MGAT4A: variants seen among roughly 807,000 people sequenced by gnomAD.
The protein encoded by MGAT4A is alpha-1,3-mannosyl-glycoprotein 4-beta-N-acetylglucosaminyltransferase A, also known as N-acetylglucosaminyltransferase IVa.
Under a neutral mutation model 74.1 loss-of-function variants are expected in MGAT4A, and 33 were observed. The ratio of observed to expected loss-of-function variants is 0.45; its 90% confidence interval spans 0.34 to 0.60. The LOEUF (loss-of-function observed/expected upper bound fraction) is 0.60. MGAT4A is among the 20% of genes least tolerant of loss of function. The pLI is 0.02. For synonymous variants in MGAT4A, 198 were observed against 210.4 expected (o/e 0.94, Z 0.51); for missense variants, 479 against 628.3 (o/e 0.76, Z 2.54).
At chr2:98,655,249 T>C (rs7557647) in intron 8 of MGAT4A, among the ~76,000 whole-genome samples, 196 bp downstream of exon 8, 65,713 of 151,914 alleles carry the variant, frequency 0.43, 14,753 homozygotes, top group South Asian at 0.54. Context: ...AGTGGAGGGC[T>C]GGCTTCCCTA....
intron 2 of MGAT4A, among the ~76,000 whole-genome samples, chr2:98,723,170 T>C (rs1351436194): frequency 6.6e-6 from 1 of 152,198 alleles, no homozygotes; most frequent in Non-Finnish European, 1.5e-5. Context: ...AAGTGGTGAA[T>C]GAGGACTATG....
At chr2:98,634,157 T>C (rs542628577) in intron 14 of MGAT4A, among the ~76,000 whole-genome samples, 2 of 152,302 alleles carry the variant, frequency 1.3e-5, no homozygotes, top group African/African-American at 4.8e-5. Flanking sequence ...ACAGGCCCTG[T>C]GTTAACTACA....
chr2:98,633,705 T>C (rs970450214), intron 14 of MGAT4A, among the ~76,000 whole-genome samples: 4 of 152,238 alleles, frequency 2.6e-5, no homozygotes, highest in Admixed American at 2.6e-4. Context: ...GTTGATATTT[T>C]AGATGGTCAT....
intron 8 of MGAT4A, among the ~76,000 whole-genome samples, chr2:98,650,856 C>G (rs1255212060): frequency 6.6e-6 from 1 of 152,070 alleles, no homozygotes; most frequent in Admixed American, 6.5e-5. Flanking sequence ...GAAGCTGAGG[C>G]AGAATGGCGT....
intron 2 of MGAT4A, among the ~76,000 whole-genome samples, chr2:98,714,944 A>C (rs1273110359): frequency 6.6e-6 from 1 of 152,182 alleles, no homozygotes; most frequent in Non-Finnish European, 1.5e-5. Flanking sequence ...AAAATAAGTT[A>C]CTGTAATAAA....
intron 2 of MGAT4A, among the ~76,000 whole-genome samples, chr2:98,724,469 T>C (rs1246045978): frequency 6.6e-6 from 1 of 152,206 alleles, no homozygotes; most frequent in Admixed American, 6.5e-5. Flanking sequence ...TGTTGATACC[T>C]GGAAGAGTCT....
At chr2:98,730,486 G>A (rs1372559492) in intron 1 of MGAT4A, among the ~76,000 whole-genome samples, 1 of 152,194 alleles carries the variant, frequency 6.6e-6, no homozygotes, top group Non-Finnish European at 1.5e-5. Flanking sequence ...TGCGAAGGCT[G>A]CACGGCCGGT....
chr2:98,660,482 G>A (rs1019883078), intron 5 of MGAT4A, among the ~76,000 whole-genome samples: 5 of 146,598 alleles, frequency 3.4e-5, no homozygotes, highest in African/African-American at 1.3e-4. Context: ...GTAATCATGA[G>A]GAAAAACAAT....
At position 98,688,687 on chromosome 2, in the gene MGAT4A, G is replaced by A. The variant is rs560484236; in HGVS notation, c.95-10216C>T. On this transcript the variant is annotated intron_variant, in intron 2 of 15. Coordinates refer to ENST00000393487, the MANE Select transcript of MGAT4A (RefSeq NM_012214.3). ...CTACAGCCACAAGGAAATGACTTCCGCCAACAGTCTGGATAAGCTTGGGAG... is the reference window on the plus strand; with the variant it reads ...CTACAGCCACAAGGAAATGACTTCCACCAACAGTCTGGATAAGCTTGGGAG... 4.9e-4 allele frequency among the ~76,000 whole-genome samples: 74 copies of A among 152,226 alleles called. 2 individuals are homozygous for A. In the South Asian group the frequency reaches 0.014, roughly 29 times the overall value.
rs964035776 is a variant in MGAT4A at position 98,621,602 on chromosome 2, A to G, written c.*3964T>C. 1 of 1,520,394 alleles carries G rather than the reference A, an allele frequency of 6.6e-7. No homozygotes were observed. Among genetic ancestry groups the G allele is most frequent in the Non-Finnish European group, 8.8e-7 (1 of 1,130,572 alleles). The allele number at this position is 1,520,394 out of a possible 1,614,324, so 94.2% of individuals were successfully genotyped here. A position where few individuals can be genotyped will look rare whatever the true frequency, so the allele number is the denominator to read the frequency against. On this transcript the variant is annotated 3_prime_UTR_variant, in exon 16 of 16. Transcript: ENST00000393487. Reference sequence around the variant, plus strand: ...ATCATGGATCAAACAGGTTCCACCCATGCTCAAAGTGGGAGGATATTATAC... The same window carrying G: ...ATCATGGATCAAACAGGTTCCACCCGTGCTCAAAGTGGGAGGATATTATAC...
chr2:98,641,629 TCGCGCCACTG>T (rs1701411591), intron 10 of MGAT4A, among the ~76,000 whole-genome samples: 1 of 144,074 alleles, frequency 6.9e-6, no homozygotes, highest in African/African-American at 2.6e-5. Flanking sequence ...TGAGCCGAGA[TCGCGCCACTG>T]CACTCCAGCC....
intron 4 of MGAT4A, among the ~76,000 whole-genome samples, chr2:98,671,218 T>G (rs181119560): frequency 8.8e-4 from 134 of 152,318 alleles, no homozygotes; most frequent in Non-Finnish European, 1.7e-3. Context: ...CAACTACCAC[T>G]GCTACCTCGT....
In MGAT4A at chr2:98,625,963, ATTTCTTT is replaced by A. The variant is rs2104209567; in HGVS notation, c.1469-135_1469-129del. 5.8e-6 allele frequency: 3 copies of A among 513,048 alleles called. No homozygotes were observed. The South Asian group carries it at 1.5e-4, about 25-fold the overall frequency. 31.8% of individuals were successfully genotyped at this position (513,048 alleles called of 1,614,324 possible). A position where few individuals can be genotyped will look rare whatever the true frequency, so the allele number is the denominator to read the frequency against. On this transcript the variant is annotated intron_variant, in intron 14 of 15. Transcript: ENST00000393487. ...GATGTCTTTTGACAGGGCACAGGTA[ATTTCTTT>A]CCCCCTTCTTTCTACTTTCATTCAG... is the stretch of plus-strand genomic sequence containing the variant.
intron 2 of MGAT4A, among the ~76,000 whole-genome samples, chr2:98,704,440 C>T (rs917069238): frequency 2.6e-5 from 4 of 151,920 alleles, no homozygotes; most frequent in Non-Finnish European, 5.9e-5. Context: ...CCCATCTCTA[C>T]CCTCCAAAAA....
intron 5 of MGAT4A, among the ~76,000 whole-genome samples, chr2:98,660,442 ACACACACACACAC>A (rs1180777750): frequency 1.3e-5 from 2 of 149,476 alleles, no homozygotes; most frequent in East Asian, 2.0e-4. Flanking sequence ...ACACACACAC[ACACACACACACAC>A]ACAACAAATA....
intron 2 of MGAT4A, among the ~76,000 whole-genome samples, chr2:98,701,494 T>C (rs1437315938): frequency 2.6e-5 from 4 of 152,218 alleles, no homozygotes; most frequent in Non-Finnish European, 5.9e-5. Flanking sequence ...CCATGAATAA[T>C]ATCCTTTCAG....
Position 98,623,619 on chromosome 2 carries a change from T to C in MGAT4A, c.*1947A>G, listed in dbSNP as rs1265262285. ...AGTGAAAAGTAAATTTAAAACATCCTAATAAAAAAATTTCAACTGGCCTTT... is the reference window on the plus strand; with the variant it reads ...AGTGAAAAGTAAATTTAAAACATCCCAATAAAAAAATTTCAACTGGCCTTT... On this transcript the variant is annotated 3_prime_UTR_variant, in exon 16 of 16. Transcript: ENST00000393487. 2.0e-5 allele frequency: 20 copies of C among 985,042 alleles called. No individual in the cohort carries two copies. The highest frequency in any genetic ancestry group is 3.5e-5 in the African/African-American group (2 of 57,160). The allele number at this position is 985,042 out of a possible 1,614,324, so 61.0% of individuals were successfully genotyped here.
intron 2 of MGAT4A, among the ~76,000 whole-genome samples, chr2:98,707,993 T>A (rs1304393498): frequency 1.3e-5 from 2 of 152,236 alleles, no homozygotes; most frequent in Non-Finnish European, 2.9e-5. Flanking sequence ...ACACTGTGAA[T>A]CTACATTTTC....
rs983959815 is a variant in MGAT4A at position 98,624,838 on chromosome 2, G to A, written c.*728C>T. ...GTATAGTAAAGTAACCCTCAGGAAG[G>A]ACATTAGTCTTTAAAATCTTGGCTT... On this transcript the variant is annotated 3_prime_UTR_variant, in exon 16 of 16. Transcript: ENST00000393487. The A allele has an allele frequency of 4.1e-6, 4 of 985,486 alleles. No homozygotes were observed. The highest frequency in any genetic ancestry group is 4.8e-6 in the Non-Finnish European group (4 of 829,622). The allele number at this position is 985,486 out of a possible 1,614,324, so 61.0% of individuals were successfully genotyped here.
Sources: allele counts gnomAD v4.1 joint callset (sites outside exome capture counted in the v4.1 genomes callset), GRCh38; gene constraint gnomAD v4.1.1; transcripts MANE v1.5; gene names NCBI Gene and HGNC (gene_info 2026-07-23, HGNC 2026-07-21).